MPPED2: variants seen among roughly 807,000 people sequenced by gnomAD.
MPPED2 encodes the protein metallophosphoesterase MPPED2.
MPPED2 carries 5 observed loss-of-function variants against 33.0 expected under a neutral mutation model. The observed-to-expected ratio is 0.15, with a 90% CI of 0.08 to 0.32. The LOEUF (loss-of-function observed/expected upper bound fraction) is 0.32. MPPED2 is among the 10% of genes least tolerant of loss of function. The pLI, the probability that MPPED2 is intolerant of heterozygous loss-of-function variation, is 1.00. For missense variants in MPPED2, 275 were observed against 372.1 expected, an observed-to-expected ratio of 0.74 and a Z score of 2.15; for synonymous variants, 136 against 141.9, an observed-to-expected ratio of 0.96 and a Z score of 0.29.
intron 3 of MPPED2, among the ~76,000 whole-genome samples, chr11:30,523,884 A>ACTTCTGTCAATTT (rs1421562099): frequency 6.6e-6 from 1 of 152,198 alleles, no homozygotes; most frequent in East Asian, 1.9e-4. Context: ...AAATTGACAG[A>ACTTCTGTCAATTT]CTGAAGAGAT....
intron 4 of MPPED2, among the ~76,000 whole-genome samples, chr11:30,459,102 T>C (rs1950415325): frequency 6.6e-6 from 1 of 151,490 alleles, no homozygotes; most frequent in African/African-American, 2.4e-5. Flanking sequence ...ATTTTTTGTA[T>C]TTTTAGTAGA....
chr11:30,572,435 A>C (rs1744639194), intron 2 of MPPED2, among the ~76,000 whole-genome samples: 1 of 152,156 alleles, frequency 6.6e-6, no homozygotes, highest in African/African-American at 2.4e-5. Context: ...ATTTTTAAGA[A>C]TAAATGAGAG....
chr11:30,418,518 A>G lies in MPPED2; in HGVS notation c.537-885T>C, dbSNP rs142264042. The stretch of plus-strand genomic sequence containing the variant: ...CTACAGGCTAAATCACATTAGAACT[A>G]AGTAGTTCCCAGTGTTATCCTATTC... On this transcript the variant is annotated intron_variant, in intron 4 of 6. Transcript: ENST00000358117. Among the ~76,000 whole-genome samples the G allele has an allele frequency of 2.1e-3, 320 of 152,368 alleles. 6 individuals carry two copies. Among genetic ancestry groups the G allele is most frequent in the African/African-American group, 7.0e-3 (290 of 41,586 alleles).
intron 4 of MPPED2, among the ~76,000 whole-genome samples, chr11:30,456,524 G>A (rs1346956000): frequency 6.6e-6 from 1 of 151,958 alleles, no homozygotes; most frequent in Non-Finnish European, 1.5e-5. Flanking sequence ...CTCTTTCTCT[G>A]TGTTTCTCCC....
At chr11:30,527,200 G>A (rs373876098) in intron 3 of MPPED2, among the ~76,000 whole-genome samples, 277 of 152,152 alleles carry the variant, frequency 1.8e-3, no homozygotes, top group African/African-American at 6.3e-3. Context: ...AAAGTGCTGG[G>A]ATTACAGGTG....
At chr11:30,459,154 C>T (rs1161802845) in intron 4 of MPPED2, among the ~76,000 whole-genome samples, 1 of 151,772 alleles carries the variant, frequency 6.6e-6, no homozygotes, top group Non-Finnish European at 1.5e-5. Context: ...GTCTCGATCT[C>T]CTGACCTCGT....
intron 4 of MPPED2, among the ~76,000 whole-genome samples, chr11:30,440,899 C>T (rs768143115): frequency 7.2e-5 from 11 of 152,164 alleles, no homozygotes; most frequent in Non-Finnish European, 1.6e-4. Flanking sequence ...TCTGTGGAAT[C>T]GTAATATGTC....
At chr11:30,579,655 A>G (rs941121592) in intron 2 of MPPED2, among the ~76,000 whole-genome samples, 5 of 152,198 alleles carry the variant, frequency 3.3e-5, no homozygotes, top group South Asian at 2.1e-4. Flanking sequence ...CCTGGAACCA[A>G]CTGTTCCACT....
intron 2 of MPPED2, among the ~76,000 whole-genome samples, chr11:30,562,168 G>T (rs910527170): frequency 6.6e-5 from 10 of 152,136 alleles, no homozygotes; most frequent in African/African-American, 2.4e-4. Flanking sequence ...CATTATCCAA[G>T]CCACAGCATA....
chr11:30,491,709 C>G (rs906960947), intron 4 of MPPED2, among the ~76,000 whole-genome samples: 1 of 152,196 alleles, frequency 6.6e-6, no homozygotes, highest in African/African-American at 2.4e-5. Context: ...GGCAAATACT[C>G]TCCTCCCTAG....
chr11:30,388,869 C>A (rs746151015), exon 7 of MPPED2: 14 of 1,544,622 alleles, frequency 9.1e-6, no homozygotes, highest in Non-Finnish European at 1.1e-5. Context: ...TTAATTGTGT[C>A]TATGCCAGTT....
intron 1 of MPPED2, among the ~76,000 whole-genome samples, chr11:30,582,622 C>T (rs1209650503): frequency 6.6e-6 from 1 of 152,164 alleles, no homozygotes. Context: ...AATATTTAAA[C>T]ATCTAGGTAA....
At chr11:30,459,444 GC>G (rs35433181) in intron 4 of MPPED2, among the ~76,000 whole-genome samples, 32,770 of 152,006 alleles carry the variant, frequency 0.22, 4,170 homozygotes, top group Non-Finnish European at 0.3. Flanking sequence ...AAACATCCCA[GC>G]CTAGAAAATA....
chr11:30,498,196 G>A (rs1288217542), intron 3 of MPPED2, among the ~76,000 whole-genome samples: 8 of 151,626 alleles, frequency 5.3e-5, no homozygotes. Context: ...ATTTTATTCA[G>A]ATCATGCCAG....
At chr11:30,510,090 C>T (rs1953071581) in intron 3 of MPPED2, among the ~76,000 whole-genome samples, 1 of 152,190 alleles carries the variant, frequency 6.6e-6, no homozygotes, top group African/African-American at 2.4e-5. Context: ...ACACCCAAGA[C>T]ATATAGTCAC....
intron 2 of MPPED2, among the ~76,000 whole-genome samples, chr11:30,552,679 A>G (rs1955771191): frequency 6.6e-6 from 1 of 152,160 alleles, no homozygotes; most frequent in Non-Finnish European, 1.5e-5. Flanking sequence ...GACTCTTTAT[A>G]AACGTTTTCA....
chr11:30,427,111 C>T (rs1041046088), intron 4 of MPPED2, among the ~76,000 whole-genome samples: 4 of 152,134 alleles, frequency 2.6e-5, no homozygotes, highest in African/African-American at 9.7e-5. Flanking sequence ...AGACATGTCA[C>T]GGCAACCAGG....
At chr11:30,434,214 T>C (rs1949216483) in intron 4 of MPPED2, among the ~76,000 whole-genome samples, 1 of 152,194 alleles carries the variant, frequency 6.6e-6, no homozygotes, top group African/African-American at 2.4e-5. Context: ...TGTGGACATC[T>C]TTAGGGCAGG....
At chr11:30,526,703 CAAA>C (rs11339582) in intron 3 of MPPED2, among the ~76,000 whole-genome samples, 3 of 126,786 alleles carry the variant, frequency 2.4e-5, no homozygotes, top group Non-Finnish European at 1.7e-5. Flanking sequence ...GAATAAATCT[CAAA>C]AAAAAAAAAA....
Sources: gnomAD v4.1 joint callset for allele counts (sites outside exome capture counted in the v4.1 genomes callset) on GRCh38, gnomAD v4.1.1 for gene constraint, MANE v1.5 for transcripts, NCBI Gene and HGNC (gene_info 2026-07-23, HGNC 2026-07-21) for gene names.